Variants in COL5A1 observed in about 807,000 individuals in gnomAD.
The protein encoded by COL5A1 is collagen type V alpha 1 chain.
COL5A1 carries 16 observed loss-of-function variants against 263.7 expected under a neutral mutation model. The ratio of observed to expected loss-of-function variants is 0.06; its 90% CI spans 0.04 to 0.09. COL5A1 has a LOEUF of 0.09. COL5A1 is among the 10% of genes least tolerant of loss of function. The probability of loss-of-function intolerance (pLI) is 1.00; values close to 1 mark genes in which losing one functional copy is unlikely to be tolerated. For synonymous variants in COL5A1, 1,012 were observed against 1,004.5 expected (o/e 1.01, Z -0.14); for missense variants, 2,036 against 2,540.5 (o/e 0.80, Z 4.27).
chr9:134,701,500 GTGGCTTT>G (rs910448782), intron 4 of COL5A1, among the ~76,000 whole-genome samples, 167 bp downstream of exon 4: 134 of 152,382 alleles, frequency 8.8e-4, no homozygotes, highest in African/African-American at 2.8e-3. Context: ...AGAGATGTTT[GTGGCTTT>G]CGGAAATGGA....
chr9:134,828,191 C>T (rs1375106111), intron 63 of COL5A1, among the ~76,000 whole-genome samples: 3 of 152,142 alleles, frequency 2.0e-5, no homozygotes, highest in Non-Finnish European at 4.4e-5. Context: ...GTGCAGGTCT[C>T]CCCTCAGAGG....
chr9:134,836,598 G>A (rs1239632893), intron 65 of COL5A1, among the ~76,000 whole-genome samples: 1 of 152,232 alleles, frequency 6.6e-6, no homozygotes, highest in Non-Finnish European at 1.5e-5. Flanking sequence ...GGGCAGGCAG[G>A]AAAGCCAGAG....
intron 37 of COL5A1, 100 bp from the exon 38 acceptor site, chr9:134,801,854 G>A: frequency 3.9e-6 from 4 of 1,023,690 alleles, no homozygotes; most frequent in Non-Finnish European, 3.1e-6. Flanking sequence ...CTACTCTGGG[G>A]GGAAGGGAGG....
chr9:134,823,488 C>A lies in COL5A1; in HGVS notation c.4698+19C>A, dbSNP rs764468095. On this transcript the variant is annotated intron_variant, in intron 61 of 65. Transcript: ENST00000371817. ...CCCCCCGGTAAGTAGCCCTTGAAGC[C>A]CAGAAAGCGGGACGGGGGCTCTGGC... is the stretch of plus-strand genomic sequence containing the variant. 10 of 1,613,914 alleles carry A rather than the reference C, an allele frequency of 6.2e-6. No homozygotes were observed. The highest frequency in any genetic ancestry group is 4.2e-6 in the Non-Finnish European group (5 of 1,179,784).
chr9:134,740,960 G>A (rs1306052579), intron 11 of COL5A1, among the ~76,000 whole-genome samples: 2 of 152,126 alleles, frequency 1.3e-5, no homozygotes, highest in African/African-American at 4.8e-5. Flanking sequence ...GAGACCTGGA[G>A]CCCACCGGCC....
intron 4 of COL5A1, among the ~76,000 whole-genome samples, chr9:134,712,911 C>T (rs975857110): frequency 2.0e-5 from 3 of 152,026 alleles, no homozygotes; most frequent in Non-Finnish European, 4.4e-5. Context: ...TGGCTCTGTC[C>T]GCAAACCTGT....
intron 20 of COL5A1, among the ~76,000 whole-genome samples, chr9:134,764,821 C>T (rs1179920255): frequency 1.3e-5 from 2 of 152,166 alleles, no homozygotes; most frequent in Admixed American, 6.5e-5. Context: ...CAAGTAATAC[C>T]TTCTGGGCTG....
chr9:134,664,748 A>C (rs1280119773), intron 1 of COL5A1, among the ~76,000 whole-genome samples: 1 of 152,188 alleles, frequency 6.6e-6, no homozygotes, highest in East Asian at 1.9e-4. Context: ...GCATTTGGCA[A>C]TATCTATCCA....
Position 134,642,252 on chromosome 9 carries a change from C to A in COL5A1, c.65C>A (p.Pro22Gln), listed in dbSNP as rs863223467. The A allele has an allele frequency of 2.9e-5, 37 of 1,270,278 alleles. No individual in the cohort carries two copies. Among genetic ancestry groups the A allele is most frequent in the Non-Finnish European group, 3.7e-5 (37 of 1,001,650 alleles). The allele number at this position is 1,270,278 out of a possible 1,614,324, so 78.7% of individuals were successfully genotyped here. ...CGCCCGGGCGCCCCGCTGCTGCCCC[C>A]GCTGCTGCTGCTGCTGCTGTGGGCG... ...ALRPGAPLLP[P>Q]LLLLLLWAPP... Residue 22 changes from proline to glutamine, a missense_variant, in exon 1 of 66, where the codon CCG becomes CAG. Physicochemically the swap from Pro to Gln is moderately conservative, Grantham distance 76. Transcript: ENST00000371817. The surrounding 1 kb of genome is among the most constrained non-coding windows in gnomAD (Gnocchi z 4.5).
At chr9:134,760,456 C>CACATGCACACAAT (rs1836333804) in intron 18 of COL5A1, among the ~76,000 whole-genome samples, 1 of 104,708 alleles carries the variant, frequency 9.6e-6, no homozygotes, top group African/African-American at 5.2e-5. Context: ...CATACACACC[C>CACATGCACACAAT]ACACACCCCC....
chr9:134,823,546 G>C, intron 61 of COL5A1, 77 bp downstream of exon 61: 1 of 1,459,928 alleles, frequency 6.8e-7, no homozygotes, highest in Non-Finnish European at 9.6e-7. Context: ...GCAACTGTGT[G>C]TGTGTGACCC....
Position 134,842,331 on chromosome 9 carries a change from C to T in COL5A1, c.*28C>T. 6.2e-7 allele frequency: 1 copy of T among 1,613,318 alleles called. No homozygotes were observed. Among genetic ancestry groups the T allele is most frequent in the Non-Finnish European group, 8.5e-7 (1 of 1,179,780 alleles). On this transcript the variant is annotated 3_prime_UTR_variant, in exon 66 of 66. Transcript: ENST00000371817. The surrounding 1 kb of genome is among the most constrained non-coding windows in gnomAD (Gnocchi z 5.8). ...GCCGCCGAGCCCGGGCTCCCGAGAG[C>T]AACCTCGTGACCTCAGCATGCCATT...
Position 134,804,965 on chromosome 9 carries a change from C to T in COL5A1, c.3115-10C>T, listed in dbSNP as rs1018752469. ...GCTCCAGGAAAGCTCATCTCTGACT[C>T]TGTTTTCAGGGTGACCCAGGCCCTG... is the stretch of plus-strand genomic sequence containing the variant. On this transcript the variant is annotated splice_polypyrimidine_tract_variant and intron_variant, in intron 39 of 65. Coordinates refer to ENST00000371817, the MANE Select transcript of COL5A1 (RefSeq NM_000093.5). The T allele has an allele frequency of 1.3e-5, 21 of 1,612,306 alleles. No homozygotes were observed. The highest frequency in any genetic ancestry group is 1.0e-4 in the Admixed American group (6 of 60,030).
intron 39 of COL5A1, 125 bp downstream of exon 39, chr9:134,803,120 T>C: frequency 1.2e-6 from 1 of 822,874 alleles, no homozygotes; most frequent in South Asian, 1.5e-5. Context: ...CTCATGCCGG[T>C]TCACTCCCCA....
At chr9:134,770,819 G>T (rs1836842708) in intron 25 of COL5A1, among the ~76,000 whole-genome samples, 1 of 152,246 alleles carries the variant, frequency 6.6e-6, no homozygotes, top group East Asian at 1.9e-4. Flanking sequence ...AAGCGGCCCT[G>T]CCCGGCTTTG....
intron 65 of COL5A1, among the ~76,000 whole-genome samples, chr9:134,840,140 C>T (rs1839976699): frequency 6.6e-6 from 1 of 152,270 alleles, no homozygotes; most frequent in Admixed American, 6.5e-5. Context: ...CCCACCCCAG[C>T]CAGACGGAGT....
rs533232763 is a variant in COL5A1 at position 134,789,255 on chromosome 9, G to A, written c.2700+47G>A. 5.2e-6 allele frequency: 8 copies of A among 1,527,544 alleles called. No homozygotes were observed. The highest frequency in any genetic ancestry group is 2.7e-5 in the African/African-American group (2 of 73,374). 94.6% of individuals were successfully genotyped at this position (1,527,544 alleles called of 1,614,324 possible). A position where few individuals can be genotyped will look rare whatever the true frequency, so the allele number is the denominator to read the frequency against. Reference sequence around the variant, plus strand: ...GGCAGGCAGCTTGTTCGGCTGCCTCGGTGCCTAGCAAGTTGGTTCTCCAGC... The same window carrying A: ...GGCAGGCAGCTTGTTCGGCTGCCTCAGTGCCTAGCAAGTTGGTTCTCCAGC... On this transcript the variant is annotated intron_variant, in intron 32 of 65. Transcript: ENST00000371817. The surrounding 1 kb of genome is among the most constrained non-coding windows in gnomAD (Gnocchi z 4.8).
intron 1 of COL5A1, among the ~76,000 whole-genome samples, chr9:134,651,357 A>G (rs943643173): frequency 3.3e-5 from 5 of 152,018 alleles, no homozygotes; most frequent in Admixed American, 6.6e-5. Context: ...TTCAGAAACA[A>G]TTAGCCAGGT....
At position 134,652,587 on chromosome 9, in the gene COL5A1, C is replaced by T. The variant is rs373484637; in HGVS notation, c.109+10291C>T. 1.2e-4 allele frequency: 48 copies of T among 401,480 alleles called. No individual in the cohort carries two copies. Among genetic ancestry groups the T allele is most frequent in the East Asian group, 3.2e-4 (4 of 12,368 alleles). The allele number at this position is 401,480 out of a possible 1,614,324, so 24.9% of individuals were successfully genotyped here. Reference sequence around the variant, plus strand: ...CTATCGGCCTGTAGTTGGGGGAGTCCGAGGATGCTGCTCTGCACCCCACAG... The same window carrying T: ...CTATCGGCCTGTAGTTGGGGGAGTCTGAGGATGCTGCTCTGCACCCCACAG... On this transcript the variant is annotated intron_variant, in intron 1 of 65. Transcript: ENST00000371817. The surrounding 1 kb of genome is among the most constrained non-coding windows in gnomAD (Gnocchi z 4.4).
Sources: gnomAD v4.1 joint callset for allele counts (sites outside exome capture counted in the v4.1 genomes callset) on GRCh38, gnomAD v4.1.1 for gene constraint, Gnocchi (gnomAD v3.1) non-coding constraint, MANE v1.5 for transcripts, NCBI Gene and HGNC (gene_info 2026-07-23, HGNC 2026-07-21) for gene names.